Variants in COL5A1 observed in about 807,000 individuals in gnomAD.
COL5A1 encodes collagen type V alpha 1 chain.
COL5A1 carries 16 observed loss-of-function variants against 263.7 expected under a neutral mutation model. The observed-to-expected ratio is 0.06, with a 90% confidence interval of 0.04 to 0.09. The LOEUF (loss-of-function observed/expected upper bound fraction) is 0.09, where lower values mean the gene tolerates loss of function less well. Ranked by LOEUF, COL5A1 falls within the 10% of genes least tolerant of loss-of-function variation. The pLI, the probability that COL5A1 is intolerant of heterozygous loss-of-function variation, is 1.00. For missense variants in COL5A1, 2,036 were observed against 2,540.5 expected (o/e 0.80, Z 4.27); for synonymous variants, 1,012 against 1,004.5 (o/e 1.01, Z -0.14).
intron 28 of COL5A1, chr9:134,782,432 C>T: frequency 1.6e-6 from 1 of 619,908 alleles, no homozygotes; most frequent in South Asian, 1.8e-5. Context: ...CTGGGCCTGC[C>T]CAAGAAGCAG....
intron 58 of COL5A1, among the ~76,000 whole-genome samples, chr9:134,820,500 G>T (rs1268417004): frequency 6.6e-6 from 1 of 152,186 alleles, no homozygotes; most frequent in African/African-American, 2.4e-5. Flanking sequence ...GAGGGACTCG[G>T]AAGTCAGGTC....
chr9:134,651,839 T>C (rs1831698712), intron 1 of COL5A1, among the ~76,000 whole-genome samples: 1 of 152,274 alleles, frequency 6.6e-6, no homozygotes, highest in Non-Finnish European at 1.5e-5. Context: ...CTGTCTTTGC[T>C]GCTGGTTGTC....
chr9:134,791,625 G>C (rs1837693886), intron 32 of COL5A1, among the ~76,000 whole-genome samples: 1 of 151,896 alleles, frequency 6.6e-6, no homozygotes, highest in African/African-American at 2.4e-5. Flanking sequence ...TTCCTCTTTT[G>C]TTGACTGCAG....
intron 28 of COL5A1, 26 bp from the exon 29 acceptor site, chr9:134,782,641 A>G (rs934288717): frequency 8.1e-6 from 13 of 1,612,400 alleles, no homozygotes; most frequent in African/African-American, 1.3e-5. Context: ...TGCCTAGACT[A>G]GGGCACTCTC....
At position 134,701,187 on chromosome 9, in the gene COL5A1, C is replaced by T; in HGVS notation, c.508C>T (p.Leu170Phe). The T allele has an allele frequency of 1.2e-6, 2 of 1,613,954 alleles. No individual in the cohort carries two copies. The highest frequency in any genetic ancestry group is 1.7e-6 in the Non-Finnish European group (2 of 1,180,030). The change falls in exon 4 of 66, where the codon CTC becomes TTC. Residue 170 changes from leucine (L) to phenylalanine (F), a missense_variant. This residue lies in a region of COL5A1 where 600 missense variants were observed against 634.5 expected (regional missense o/e 0.95). Coordinates refer to ENST00000371817, the MANE Select transcript of COL5A1 (RefSeq NM_000093.5). The part of the protein sequence containing the change: ...LSDGKWHRIA[L>F]SVHKKNVTLI... The stretch of plus-strand genomic sequence containing the variant: ...TCTTTGCAGGTGGCACAGAATTGCT[C>T]TCAGCGTCCACAAGAAAAATGTCAC...
intron 54 of COL5A1, 106 bp downstream of exon 54, chr9:134,817,937 G>T (rs1838827193): frequency 4.2e-6 from 5 of 1,190,616 alleles, no homozygotes; most frequent in Non-Finnish European, 6.1e-6. Context: ...TGGAGGCTGA[G>T]AGTGGCTGCC....
At position 134,647,051 on chromosome 9, in the gene COL5A1, A is replaced by G. The variant is rs1588396707; in HGVS notation, c.109+4755A>G. On this transcript the variant is annotated intron_variant, in intron 1 of 65. Transcript: ENST00000371817. This position sits in a 1 kb window ranked among gnomAD's most constrained non-coding sequence, Gnocchi z 5.0. ...TGTACTCGGCACTGGCTGTGTGGGG[A>G]CGTTACCATCGCCCCCATCTTCAGT... 6.6e-6 allele frequency among the ~76,000 whole-genome samples: 1 copy of G among 152,038 alleles called. No homozygotes were observed. Among genetic ancestry groups the G allele is most frequent in the Non-Finnish European group, 1.5e-5 (1 of 68,000 alleles).
At chr9:134,685,322 ATCCATCCATCTG>A (rs1833003216) in intron 1 of COL5A1, among the ~76,000 whole-genome samples, 1 of 147,640 alleles carries the variant, frequency 6.8e-6, no homozygotes, top group South Asian at 2.2e-4. Context: ...CCATCCATTC[ATCCATCCATCTG>A]TCCATCCATC....
intron 1 of COL5A1, among the ~76,000 whole-genome samples, chr9:134,685,429 TC>T (rs1564386425): frequency 4.5e-3 from 3 of 674 alleles, no homozygotes; most frequent in South Asian, 0.071. Context: ...CATCCATCCA[TC>T]CATCCATCCA....
chr9:134,648,125 C>T lies in COL5A1; in HGVS notation c.109+5829C>T, dbSNP rs370054157. ...GAAGAGACGAGACTGGCCCAGCCTC[C>T]CAGCCTACATCTTTCTCCTGTGCTG... On this transcript the variant is annotated intron_variant, in intron 1 of 65. Coordinates refer to ENST00000371817, the MANE Select transcript of COL5A1 (RefSeq NM_000093.5). Among the ~76,000 whole-genome samples, 644 of 151,988 alleles carry T rather than the reference C, an allele frequency of 4.2e-3. 31 individuals are homozygous for T. The South Asian group carries it at 0.095, about 22-fold the overall frequency.
chr9:134,658,342 G>A (rs899596451), intron 1 of COL5A1, among the ~76,000 whole-genome samples: 3 of 152,154 alleles, frequency 2.0e-5, no homozygotes, highest in African/African-American at 4.8e-5. Context: ...AAGCAGCTCC[G>A]AAGTGCAGAC....
chr9:134,782,871 G>A, intron 29 of COL5A1, 151 bp downstream of exon 29: 6 of 791,104 alleles, frequency 7.6e-6, no homozygotes, highest in South Asian at 1.6e-5. Context: ...GGACAGTGGC[G>A]TGGAGCCCAG....
In COL5A1 at chr9:134,794,948, TG is replaced by T; in HGVS notation, c.2701-131del. ...ATCTCCTATTAAAACACGGAAAAGG[TG>T]GGTGGCGGGGAGGCCCAGGTTCCTC... On this transcript the variant is annotated intron_variant, in intron 32 of 65. Transcript: ENST00000371817. This position sits in a 1 kb window ranked among gnomAD's most constrained non-coding sequence, Gnocchi z 4.3. 1.1e-6 allele frequency: 1 copy of T among 886,678 alleles called. No homozygotes were observed. 54.9% of individuals were successfully genotyped at this position (886,678 alleles called of 1,614,324 possible).
intron 11 of COL5A1, among the ~76,000 whole-genome samples, chr9:134,748,251 A>C (rs1188443386): frequency 2.0e-5 from 3 of 151,852 alleles, no homozygotes; most frequent in Non-Finnish European, 4.4e-5. Flanking sequence ...GCACACATGC[A>C]TTTACACATG....
intron 48 of COL5A1, among the ~76,000 whole-genome samples, chr9:134,813,622 C>A (rs2132850863): frequency 6.6e-6 from 1 of 152,368 alleles, no homozygotes; most frequent in South Asian, 2.1e-4. Context: ...TCCCTGAGGA[C>A]TGCGTGCCTG....
Position 134,728,812 on chromosome 9 carries a change from G to A in COL5A1, c.924+5G>A. The A allele has an allele frequency of 6.2e-7, 1 of 1,614,078 alleles. No homozygotes were observed. The highest frequency in any genetic ancestry group is 2.2e-5 in the East Asian group (1 of 44,874). On this transcript the variant is annotated splice_donor_5th_base_variant and intron_variant, in intron 6 of 65. Coordinates refer to ENST00000371817, the MANE Select transcript of COL5A1 (RefSeq NM_000093.5). ...GAAACCACAGAGGTCCCCGAGGTCT[G>A]GGCTGAGCGGGGGACTGGGTTGGGC...
At chr9:134,738,564 G>A (rs781102225) in intron 10 of COL5A1, 49 bp downstream of exon 10, 2 of 1,610,836 alleles carry the variant, frequency 1.2e-6, no homozygotes, top group African/African-American at 1.3e-5. Flanking sequence ...CTCTTGGTGG[G>A]GTGGGGTTGG....
At position 134,641,985 on chromosome 9, in the gene COL5A1, C is replaced by T. The variant is rs1831302753; in HGVS notation, c.-203C>T. 3 of 439,938 alleles carry T rather than the reference C, an allele frequency of 6.8e-6. No homozygotes were observed. Among genetic ancestry groups the T allele is most frequent in the East Asian group, 7.2e-5 (2 of 27,876 alleles). 27.3% of individuals were successfully genotyped at this position (439,938 alleles called of 1,614,324 possible). On this transcript the variant is annotated 5_prime_UTR_variant, in exon 1 of 66. Transcript: ENST00000371817. ...CCGCCCCGCGGGCCAAAGTCGAGCC[C>T]TCCCGCCCGTGGGCGAGCGCGCCAG...
chr9:134,826,913 C>T (rs999990056), intron 63 of COL5A1, among the ~76,000 whole-genome samples: 1 of 151,976 alleles, frequency 6.6e-6, no homozygotes, highest in African/African-American at 2.4e-5. Flanking sequence ...TGTAGACGGG[C>T]GTGTGTTGCT....
Sources: gnomAD v4.1 joint callset for allele counts (sites outside exome capture counted in the v4.1 genomes callset) on GRCh38, gnomAD v4.1.1 for gene constraint, gnomAD v4.1.1 regional missense constraint, Gnocchi (gnomAD v3.1) non-coding constraint, MANE v1.5 for transcripts, NCBI Gene and HGNC (gene_info 2026-07-23, HGNC 2026-07-21) for gene names.